The following MON2 variants were observed in gnomAD, a reference collection of about 807,000 sequenced individuals.
MON2 encodes protein MON2 homolog.
MON2 carries 84 observed loss-of-function variants against 208.6 expected under a neutral mutation model. That is an observed-to-expected ratio of 0.40 (90% CI 0.34 to 0.48). MON2 has a LOEUF of 0.48. Among genes scored for constraint, MON2 ranks in the 20% least tolerant of loss-of-function variants. MON2 has a pLI of 0.59. For missense variants in MON2, 1,611 were observed against 2,015.4 expected, an observed-to-expected ratio of 0.80 and a Z score of 3.84; for synonymous variants, 660 against 694.0, an observed-to-expected ratio of 0.95 and a Z score of 0.77.
chr12:62,557,962 A>ATATATATATATATTT (rs1364201663), intron 25 of MON2, among the ~76,000 whole-genome samples: 2 of 20,870 alleles, frequency 9.6e-5, no homozygotes, highest in African/African-American at 3.2e-4. Flanking sequence ...ATATATATAT[A>ATATATATATATATTT]TTTTTTTTTT....
chr12:62,566,595 T>A, intron 29 of MON2, 145 bp downstream of exon 29: 1 of 913,036 alleles, frequency 1.1e-6, no homozygotes, highest in South Asian at 2.3e-5. Context: ...CCAATATTCA[T>A]GAATTGTATT....
chr12:62,477,754 C>A (rs1206079843), intron 1 of MON2, among the ~76,000 whole-genome samples: 1 of 152,160 alleles, frequency 6.6e-6, no homozygotes, highest in Non-Finnish European at 1.5e-5. Flanking sequence ...CTGCTCCCCA[C>A]CTCACCTCCA....
chr12:62,543,211 T>A lies in MON2; in HGVS notation c.2466+13T>A. On this transcript the variant is annotated intron_variant, in intron 20 of 34. Coordinates refer to ENST00000393630, the MANE Select transcript of MON2 (RefSeq NM_015026.3). ...CCATCTACTTGAGGTAAATTCTCTT[T>A]CTTAAATATATTTAATTTTTTAATA... is the stretch of plus-strand genomic sequence containing the variant. The A allele has an allele frequency of 1.5e-6, 2 of 1,370,488 alleles. No homozygotes were observed. The highest frequency in any genetic ancestry group is 1.5e-5 in the South Asian group (1 of 68,152). The allele number at this position is 1,370,488 out of a possible 1,614,324, so 84.9% of individuals were successfully genotyped here.
chr12:62,592,872 T>A lies in MON2; in HGVS notation c.*123T>A. ...CTTGGCAGCTGTTGTTGGCCTCCTT[T>A]AAATTCTACTTACCTGAGTTCAGTA... On this transcript the variant is annotated 3_prime_UTR_variant, in exon 35 of 35. Coordinates refer to ENST00000393630, the MANE Select transcript of MON2 (RefSeq NM_015026.3). The A allele has an allele frequency of 1.0e-6, 1 of 960,036 alleles. No homozygotes were observed. Among genetic ancestry groups the A allele is most frequent in the Non-Finnish European group, 1.5e-6 (1 of 664,398 alleles). The allele number at this position is 960,036 out of a possible 1,614,324, so 59.5% of individuals were successfully genotyped here.
rs1252188471 is a variant in MON2 at position 62,512,365 on chromosome 12, TG to T, written c.984+3888del. On this transcript the variant is annotated intron_variant, in intron 8 of 34. Transcript: ENST00000393630. ...CTAGATACAATGGGGGTACAAGCAT[TG>T]GGTAAATACAGCCATTCTAAATGGG... Among the ~76,000 whole-genome samples the T allele has an allele frequency of 2.6e-5, 4 of 152,256 alleles. No homozygotes were observed. The East Asian group carries it at 5.8e-4, about 22-fold the overall frequency.
rs111473019 is a variant in MON2 at position 62,530,049 on chromosome 12, T to C, written c.1401-2389T>C. On this transcript the variant is annotated intron_variant, in intron 11 of 34. Coordinates refer to ENST00000393630, the MANE Select transcript of MON2 (RefSeq NM_015026.3). Reference sequence around the variant, plus strand: ...ATATGCAATAGATTATTGTTAAGTGTAGTTACCCGACTGAACTGTTAGATG... The same window carrying C: ...ATATGCAATAGATTATTGTTAAGTGCAGTTACCCGACTGAACTGTTAGATG... 4.7e-3 allele frequency among the ~76,000 whole-genome samples: 718 copies of C among 152,220 alleles called. 6 individuals are homozygous for C. Among genetic ancestry groups the C allele is most frequent in the African/African-American group, 0.016 (663 of 41,518 alleles).
intron 8 of MON2, among the ~76,000 whole-genome samples, chr12:62,512,480 C>T (rs1005727587): frequency 1.3e-5 from 2 of 152,200 alleles, no homozygotes; most frequent in Non-Finnish European, 2.9e-5. Context: ...AAAATGACCT[C>T]CTTTGACTCC....
chr12:62,556,663 T>C (rs1393095870), intron 25 of MON2, among the ~76,000 whole-genome samples: 2 of 151,920 alleles, frequency 1.3e-5, no homozygotes, highest in Non-Finnish European at 2.9e-5. Context: ...GGAAAAGAGA[T>C]GGTGGATGCT....
intron 21 of MON2, among the ~76,000 whole-genome samples, chr12:62,545,360 A>G (rs1326662655): frequency 6.6e-6 from 1 of 150,782 alleles, no homozygotes; most frequent in Non-Finnish European, 1.5e-5. Flanking sequence ...CTACCCTTAC[A>G]TGGGGAGAAA....
chr12:62,501,294 G>C (rs11174514), intron 6 of MON2, among the ~76,000 whole-genome samples: 17,375 of 151,994 alleles, frequency 0.11, 1,270 homozygotes, highest in Middle Eastern at 0.25. Context: ...TATTACTTCG[G>C]ATTAAAAGCT....
intron 1 of MON2, among the ~76,000 whole-genome samples, chr12:62,471,928 G>C (rs1429465433): frequency 6.6e-6 from 1 of 152,228 alleles, no homozygotes; most frequent in Non-Finnish European, 1.5e-5. Flanking sequence ...GCGACAAGTT[G>C]TGGGCAGTTT....
chr12:62,496,849 C>A (rs1252740279), intron 4 of MON2, among the ~76,000 whole-genome samples: 2 of 151,024 alleles, frequency 1.3e-5, no homozygotes, highest in African/African-American at 2.4e-5. Context: ...TATAAAGACA[C>A]ATGCACACGT....
At chr12:62,492,849 C>A (rs186794503) in intron 2 of MON2, among the ~76,000 whole-genome samples, 1 of 151,494 alleles carries the variant, frequency 6.6e-6, no homozygotes, top group African/African-American at 2.4e-5. Flanking sequence ...CGTGGTGGTG[C>A]ATGCCTGTAA....
chr12:62,530,138 C>G (rs970827095), intron 11 of MON2, among the ~76,000 whole-genome samples: 2 of 152,102 alleles, frequency 1.3e-5, no homozygotes, highest in Non-Finnish European at 1.5e-5. Flanking sequence ...CTCTTTACCC[C>G]CAAACCTCCA....
intron 34 of MON2, among the ~76,000 whole-genome samples, chr12:62,590,383 G>A (rs867727370): frequency 1.3e-5 from 2 of 151,822 alleles, no homozygotes; most frequent in South Asian, 2.1e-4. Flanking sequence ...ATGAACAACC[G>A]CCCCCCAGCC....
At chr12:62,561,597 G>T (rs2074199754) in intron 26 of MON2, among the ~76,000 whole-genome samples, 1 of 151,770 alleles carries the variant, frequency 6.6e-6, no homozygotes, top group Non-Finnish European at 1.5e-5. Context: ...TGTGTATTTT[G>T]TTATTGCAAA....
chr12:62,544,955 C>G lies in MON2; in HGVS notation c.2524C>G (p.Leu842Val). The G allele has an allele frequency of 6.2e-7, 1 of 1,608,702 alleles. No individual in the cohort carries two copies. The highest frequency in any genetic ancestry group is 8.5e-7 in the Non-Finnish European group (1 of 1,177,520). The change falls in exon 21 of 35, where the codon CTT becomes GTT. Residue 842 changes from leucine to valine, a missense_variant. Coordinates refer to ENST00000393630, the MANE Select transcript of MON2 (RefSeq NM_015026.3). ...REWGAEALTS[L>V]IKAGLTFNHD... Reference sequence around the variant, plus strand: ...ATGGGGAGCAGAAGCTTTAACTTCTCTTATTAAAGCAGGATTAACATTTAA... The same window carrying G: ...ATGGGGAGCAGAAGCTTTAACTTCTGTTATTAAAGCAGGATTAACATTTAA...
intron 1 of MON2, chr12:62,482,449 G>A (rs1248103634): frequency 6.6e-6 from 1 of 152,186 alleles, no homozygotes; most frequent in Non-Finnish European, 1.5e-5. Context: ...AACCTTTAGA[G>A]ACTGCTACCA....
At chr12:62,468,172 C>A (rs1444615967) in intron 1 of MON2, among the ~76,000 whole-genome samples, 60 of 149,038 alleles carry the variant, frequency 4.0e-4, no homozygotes, top group African/African-American at 9.1e-4. Context: ...AAAAAACAAA[C>A]AAAAAAACCC....
Sources: gnomAD v4.1 joint callset for allele counts (sites outside exome capture counted in the v4.1 genomes callset) on GRCh38, gnomAD v4.1.1 for gene constraint, MANE v1.5 for transcripts, NCBI Gene and HGNC (gene_info 2026-07-23, HGNC 2026-07-21) for gene names.